Variants in RAP1GAP2 observed in about 807,000 individuals in gnomAD.
RAP1GAP2 encodes RAP1 GTPase activating protein 2.
A neutral mutation model predicts 95.0 loss-of-function variants in RAP1GAP2; 27 were observed. The ratio of observed to expected loss-of-function variants is 0.28; its 90% CI spans 0.21 to 0.39. The LOEUF (loss-of-function observed/expected upper bound fraction) is 0.39, where lower values mean the gene tolerates loss of function less well. RAP1GAP2 is among the 10% of genes least tolerant of loss of function. The pLI, the probability that RAP1GAP2 is intolerant of heterozygous loss-of-function variation, is 1.00. For synonymous variants in RAP1GAP2, 373 were observed against 380.9 expected (o/e 0.98, Z 0.24); for missense variants, 771 against 970.0 (o/e 0.79, Z 2.72).
chr17:2,853,759 C>A (rs1020014916), intron 2 of RAP1GAP2, among the ~76,000 whole-genome samples: 4 of 146,930 alleles, frequency 2.7e-5, no homozygotes, highest in Non-Finnish European at 6.1e-5. Context: ...GAAATGCCCG[C>A]GCCGGGGGAG....
At chr17:2,886,772 C>T (rs766394101) in intron 2 of RAP1GAP2, among the ~76,000 whole-genome samples, 23 of 152,048 alleles carry the variant, frequency 1.5e-4, no homozygotes, top group Non-Finnish European at 3.1e-4. Flanking sequence ...CACACCAGAG[C>T]GGCAGGGGTC....
chr17:2,771,792 A>G lies in RAP1GAP2; in HGVS notation c.167+1347A>G, dbSNP rs565218654. ...AGCGTGAGCCACTGTGCCCGGCCAC[A>G]TAACTTCAGATTTCATACATGGGAA... On this transcript the variant is annotated intron_variant, in intron 2 of 25. Coordinates refer to the RAP1GAP2 transcript ENST00000637138. Among the ~76,000 whole-genome samples the G allele has an allele frequency of 2.0e-5, 3 of 152,092 alleles. 1 individual carries two copies. The highest frequency in any genetic ancestry group is 4.2e-4 in the South Asian group (2 of 4,818).
Position 2,925,415 on chromosome 17 carries a change from T to G in RAP1GAP2, c.165+20047T>G, listed in dbSNP as rs527734270. Reference sequence around the variant, plus strand: ...CATGAAGGAGAAGCATGTGCCTTCTTCACAAGGCAGCAGGAAAGAGAAGAG... The same window carrying G: ...CATGAAGGAGAAGCATGTGCCTTCTGCACAAGGCAGCAGGAAAGAGAAGAG... On this transcript the variant is annotated intron_variant, in intron 3 of 24. Coordinates refer to ENST00000254695, the MANE Select transcript of RAP1GAP2 (RefSeq NM_015085.5). 5.3e-5 allele frequency among the ~76,000 whole-genome samples: 8 copies of G among 152,230 alleles called. 1 individual carries two copies. In the South Asian group the frequency reaches 1.7e-3, roughly 32 times the overall value.
At chr17:2,766,928 C>G (rs943021121) in intron 1 of RAP1GAP2, among the ~76,000 whole-genome samples, 1 of 152,058 alleles carries the variant, frequency 6.6e-6, no homozygotes, top group Admixed American at 6.6e-5. Flanking sequence ...TGGGAAGTCC[C>G]CTCCCCCAGC....
intron 1 of RAP1GAP2, among the ~76,000 whole-genome samples, chr17:2,760,292 C>CAAAAAAAAAAAAAA (rs374784170): frequency 3.4e-5 from 2 of 59,266 alleles, no homozygotes; most frequent in East Asian, 5.0e-4. Context: ...GACTCTGTCT[C>CAAAAAAAAAAAAAA]AAAAAAAAAA....
intron 10 of RAP1GAP2, 125 bp downstream of exon 10, chr17:2,981,373 A>C: frequency 1.2e-6 from 1 of 857,308 alleles, no homozygotes. Context: ...ATAAGCTTCC[A>C]TGTCTCCCTC....
rs1002381218 is a variant in RAP1GAP2 at position 3,003,947 on chromosome 17, G to C, written c.1201-1422G>C. On this transcript the variant is annotated intron_variant, in intron 14 of 24. Coordinates refer to ENST00000254695, the MANE Select transcript of RAP1GAP2 (RefSeq NM_015085.5). This position sits in a 1 kb window ranked among gnomAD's most constrained non-coding sequence, Gnocchi z 4.1. Reference sequence around the variant, plus strand: ...CAGCTGGAGGGTTGGATGGACTTGAGGATGTGTCTGAAGCCACTTACACGG... The same window carrying C: ...CAGCTGGAGGGTTGGATGGACTTGACGATGTGTCTGAAGCCACTTACACGG... Among the ~76,000 whole-genome samples, 2 of 152,192 alleles carry C rather than the reference G, an allele frequency of 1.3e-5. No homozygotes were observed. Among genetic ancestry groups the C allele is most frequent in the Non-Finnish European group, 2.9e-5 (2 of 68,036 alleles).
intron 2 of RAP1GAP2, among the ~76,000 whole-genome samples, chr17:2,826,771 G>A (rs1229908649): frequency 1.3e-5 from 2 of 152,288 alleles, no homozygotes; most frequent in East Asian, 1.9e-4. Flanking sequence ...ACTTTGGGAG[G>A]CTGAGGCGGG....
At chr17:2,967,171 A>T (rs188640004) in intron 8 of RAP1GAP2, among the ~76,000 whole-genome samples, 2 of 152,228 alleles carry the variant, frequency 1.3e-5, no homozygotes, top group African/African-American at 4.8e-5. Flanking sequence ...GATCGAGACC[A>T]TCCTGGCTAA....
intron 1 of RAP1GAP2, among the ~76,000 whole-genome samples, chr17:2,781,923 C>T (rs542597893): frequency 1.1e-4 from 17 of 150,324 alleles, no homozygotes; most frequent in African/African-American, 3.9e-4. Flanking sequence ...TGTGTGGGCA[C>T]GTCTCTGTGT....
intron 1 of RAP1GAP2, among the ~76,000 whole-genome samples, chr17:2,762,317 A>T (rs1375978803): frequency 6.6e-6 from 1 of 151,214 alleles, no homozygotes; most frequent in Non-Finnish European, 1.5e-5. Flanking sequence ...TAGAGAAAGG[A>T]CTATTCAGAT....
chr17:2,888,428 C>G (rs2073574399), intron 2 of RAP1GAP2, among the ~76,000 whole-genome samples: 1 of 152,118 alleles, frequency 6.6e-6, no homozygotes, highest in Non-Finnish European at 1.5e-5. Flanking sequence ...TCTTTCCTGC[C>G]CTTCTCAGCC....
chr17:2,844,660 G>A (rs2071509088), intron 2 of RAP1GAP2, among the ~76,000 whole-genome samples: 1 of 152,180 alleles, frequency 6.6e-6, no homozygotes, highest in Non-Finnish European at 1.5e-5. Flanking sequence ...AGGACTTAAT[G>A]TCGGGGTGGG....
At chr17:2,773,766 T>C (rs1305201622), upstream of RAP1GAP2, among the ~76,000 whole-genome samples, 2 of 135,054 alleles carry the variant, frequency 1.5e-5, no homozygotes, top group Non-Finnish European at 3.2e-5. Context: ...TTTATTTATT[T>C]ATTCTTTTTT....
At chr17:2,905,215 A>T in intron 2 of RAP1GAP2, 69 bp from the exon 3 acceptor site, 11 of 1,425,638 alleles carry the variant, frequency 7.7e-6, no homozygotes, top group Non-Finnish European at 1.1e-5. Context: ...CCGAGAGCCC[A>T]GTCACTCTTG....
At chr17:2,814,327 G>A (rs2069905967) in intron 2 of RAP1GAP2, among the ~76,000 whole-genome samples, 1 of 152,162 alleles carries the variant, frequency 6.6e-6, no homozygotes, top group Non-Finnish European at 1.5e-5. Context: ...GGTGGAACTT[G>A]CTGTGTGTGG....
intron 8 of RAP1GAP2, among the ~76,000 whole-genome samples, chr17:2,973,983 T>C (rs898399137): frequency 6.6e-6 from 1 of 151,788 alleles, no homozygotes. Context: ...AGGATGAAAA[T>C]AGATTTCTCC....
chr17:2,761,311 G>A (rs1272348140), intron 1 of RAP1GAP2, among the ~76,000 whole-genome samples: 1 of 112,080 alleles, frequency 8.9e-6, no homozygotes, highest in Non-Finnish European at 1.8e-5. Context: ...TTTTTGAGAC[G>A]GAGTTTCACT....
chr17:2,787,607 G>A (rs1321293111), intron 1 of RAP1GAP2, among the ~76,000 whole-genome samples: 5 of 151,472 alleles, frequency 3.3e-5, no homozygotes, highest in Admixed American at 1.3e-4. Context: ...TTGCTCTGTC[G>A]CCCAGGCTGG....
Sources: gnomAD v4.1 joint callset for allele counts (sites outside exome capture counted in the v4.1 genomes callset) on GRCh38, gnomAD v4.1.1 for gene constraint, Gnocchi (gnomAD v3.1) non-coding constraint, MANE v1.5 for transcripts, NCBI Gene and HGNC (gene_info 2026-07-23, HGNC 2026-07-21) for gene names.